The following ARHGAP29 variants were observed in gnomAD, a reference collection of about 807,000 sequenced individuals.
ARHGAP29 encodes rho GTPase-activating protein 29.
ARHGAP29 carries 43 observed loss-of-function variants against 122.6 expected under a neutral mutation model. The ratio of observed to expected loss-of-function variants is 0.35; its 90% CI spans 0.27 to 0.45. ARHGAP29 has a LOEUF of 0.45. Among genes scored for constraint, ARHGAP29 ranks in the 20% least tolerant of loss-of-function variants. The probability of loss-of-function intolerance (pLI) is 1.00; values close to 1 mark genes in which losing one functional copy is unlikely to be tolerated. For synonymous variants in ARHGAP29, 506 were observed against 497.1 expected (o/e 1.02, Z -0.24); for missense variants, 1,303 against 1,477.2 (o/e 0.88, Z 1.93).
intron 12 of ARHGAP29, chr1:94,195,629 T>C (rs1352380754): frequency 6.6e-6 from 1 of 151,346 alleles, no homozygotes; most frequent in East Asian, 2.0e-4. Flanking sequence ...AAAAAAGAAA[T>C]AAAATGATAA....
At chr1:94,275,239 A>G (rs1221649422), upstream of ARHGAP29, among the ~76,000 whole-genome samples, 1 of 152,318 alleles carries the variant, frequency 6.6e-6, no homozygotes, top group East Asian at 1.9e-4. Context: ...GAGGATTTCT[A>G]AAGATGCATT....
At chr1:94,293,940 G>T in the ARHGAP29 span, among the ~76,000 whole-genome samples, 1 of 152,292 alleles carries the variant, frequency 6.6e-6, no homozygotes, top group Admixed American at 6.5e-5. Context: ...TAGGCTGAAT[G>T]TCCCAATCCT....
At chr1:94,268,885 A>T (rs1399184982) in intron 1 of ARHGAP29, among the ~76,000 whole-genome samples, 1 of 152,112 alleles carries the variant, frequency 6.6e-6, no homozygotes, top group Non-Finnish European at 1.5e-5. Flanking sequence ...TGCTAAGCCT[A>T]ACTAAACTTT....
chr1:94,188,999 T>C, intron 14 of ARHGAP29, 58 bp from the exon 15 acceptor site: 1 of 1,510,168 alleles, frequency 6.6e-7, no homozygotes, highest in South Asian at 1.2e-5. Flanking sequence ...TAAGGTAAAA[T>C]ACTGACATTC....
the ARHGAP29 span, among the ~76,000 whole-genome samples, chr1:94,310,368 G>A: frequency 6.6e-6 from 1 of 152,212 alleles, no homozygotes; most frequent in Non-Finnish European, 1.5e-5. Context: ...ACCCCCAGCT[G>A]GATGAAGCCA....
chr1:94,294,085 A>T, the ARHGAP29 span, among the ~76,000 whole-genome samples: 1 of 152,336 alleles, frequency 6.6e-6, no homozygotes, highest in Non-Finnish European at 1.5e-5. Flanking sequence ...GTTGTATGAC[A>T]GGAAATAGGC....
chr1:94,298,691 G>A, the ARHGAP29 span, among the ~76,000 whole-genome samples: 1 of 152,130 alleles, frequency 6.6e-6, no homozygotes, highest in African/African-American at 2.4e-5. Context: ...TTATGGTTAA[G>A]GACCTATAAT....
chr1:94,170,243 T>C lies in ARHGAP29; in HGVS notation c.*3626A>G, dbSNP rs1475398471. Among the ~76,000 whole-genome samples the C allele has an allele frequency of 3.3e-5, 5 of 152,176 alleles. No homozygotes were observed. ...TTAATACTATCAGGTATAAGACAAA[T>C]TGACATTGTGTGCATCCTGGCATGA... On this transcript the variant is annotated 3_prime_UTR_variant, in exon 23 of 23. Transcript: ENST00000260526.
chr1:94,266,348 T>C (rs1654770631), intron 1 of ARHGAP29, among the ~76,000 whole-genome samples: 1 of 152,224 alleles, frequency 6.6e-6, no homozygotes, highest in Non-Finnish European at 1.5e-5. Context: ...GGGCCCGTGC[T>C]AGTCCAGAAA....
chr1:94,232,651 A>G (rs1652989802), intron 1 of ARHGAP29, among the ~76,000 whole-genome samples: 1 of 152,226 alleles, frequency 6.6e-6, no homozygotes, highest in Non-Finnish European at 1.5e-5. Flanking sequence ...TCACAAAATT[A>G]GAAGACTTCA....
At chr1:94,201,502 TTCCTTCTCTCTCTCTCTC>T (rs1229020586) in intron 12 of ARHGAP29, among the ~76,000 whole-genome samples, 200 bp downstream of exon 12, 99 of 127,170 alleles carry the variant, frequency 7.8e-4, no homozygotes, top group Middle Eastern at 3.6e-3. Flanking sequence ...CTTTCCTTCC[TTCCTTCTCTCTCTCTCTC>T]TCTCTCTCTC....
intron 1 of ARHGAP29, among the ~76,000 whole-genome samples, chr1:94,251,193 G>C (rs968550124): frequency 4.1e-5 from 6 of 145,802 alleles, no homozygotes; most frequent in African/African-American, 1.5e-4. Flanking sequence ...TTTTTTGAGA[G>C]GAAGTCTTGC....
chr1:94,177,578 A>G, intron 22 of ARHGAP29, 34 bp downstream of exon 22: 2 of 1,542,774 alleles, frequency 1.3e-6, no homozygotes, highest in Non-Finnish European at 1.8e-6. Context: ...ATTTTAAGCC[A>G]GCAAACATAT....
At position 94,178,220 on chromosome 1, in the gene ARHGAP29, G is replaced by A. The variant is rs1649231806; in HGVS notation, c.2481-53C>T. On this transcript the variant is annotated intron_variant, in intron 20 of 22. Coordinates refer to ENST00000260526, the MANE Select transcript of ARHGAP29 (RefSeq NM_004815.4). Reference sequence around the variant, plus strand: ...TGAGATTTTCCTATTAGAGTTCCTTGACTGTAGTTTACTATGGAATAGAGA... The same window carrying A: ...TGAGATTTTCCTATTAGAGTTCCTTAACTGTAGTTTACTATGGAATAGAGA... 5 of 1,530,314 alleles carry A rather than the reference G, an allele frequency of 3.3e-6. No individual in the cohort carries two copies. The East Asian group carries it at 1.1e-4, about 35-fold the overall frequency. 94.8% of individuals were successfully genotyped at this position (1,530,314 alleles called of 1,614,324 possible).
intron 20 of ARHGAP29, 106 bp downstream of exon 20, chr1:94,179,616 AAAG>A: frequency 7.3e-5 from 46 of 629,438 alleles, no homozygotes; most frequent in South Asian, 2.0e-4. Context: ...AAAAAAAAAA[AAAG>A]AATGGCTAAG....
chr1:94,311,207 T>C, the ARHGAP29 span, among the ~76,000 whole-genome samples: 1 of 152,204 alleles, frequency 6.6e-6, no homozygotes, highest in Non-Finnish European at 1.5e-5. Flanking sequence ...TGTCTAATTC[T>C]GGTATTCAGT....
At chr1:94,220,181 A>G (rs2101581265) in intron 3 of ARHGAP29, 77 bp downstream of exon 3, 1 of 1,506,288 alleles carries the variant, frequency 6.6e-7, no homozygotes, top group East Asian at 2.3e-5. Flanking sequence ...AATTGGCTAT[A>G]TATTCACTAT....
At chr1:94,262,166 C>T (rs894810727) in intron 1 of ARHGAP29, among the ~76,000 whole-genome samples, 2 of 152,120 alleles carry the variant, frequency 1.3e-5, no homozygotes, top group African/African-American at 4.8e-5. Context: ...AAAGGACTCC[C>T]TAGTAAATAA....
chr1:94,196,553 G>A (rs1296412165), intron 12 of ARHGAP29, among the ~76,000 whole-genome samples: 3 of 151,966 alleles, frequency 2.0e-5, no homozygotes, highest in Non-Finnish European at 4.4e-5. Flanking sequence ...GAGCCACCGC[G>A]CCCGGCCCCT....
Sources: gnomAD v4.1 joint callset for allele counts (sites outside exome capture counted in the v4.1 genomes callset) on GRCh38, gnomAD v4.1.1 for gene constraint, MANE v1.5 for transcripts, NCBI Gene and HGNC (gene_info 2026-07-23, HGNC 2026-07-21) for gene names.